Variants in IGF1R observed in about 807,000 individuals in gnomAD.
IGF1R encodes insulin-like growth factor 1 receptor.
In IGF1R, 44 loss-of-function variants were observed where a neutral mutation model predicts 144.6. That is an observed-to-expected ratio of 0.30 (90% CI 0.24 to 0.39). The LOEUF is 0.39. Ranked by LOEUF, IGF1R falls within the 10% of genes least tolerant of loss-of-function variation. The pLI is 1.00. For synonymous variants in IGF1R, 795 were observed against 722.8 expected (o/e 1.10, Z -1.60); for missense variants, 1,355 against 1,833.7 (o/e 0.74, Z 4.77).
chr15:98,735,658 G>A lies in IGF1R; in HGVS notation c.640+27551G>A, dbSNP rs149906096. Among the ~76,000 whole-genome samples, 662 of 152,316 alleles carry A rather than the reference G, an allele frequency of 4.3e-3. 10 individuals carry two copies. The highest frequency in any genetic ancestry group is 0.03 in the Admixed American group (454 of 15,308). On this transcript the variant is annotated intron_variant, in intron 2 of 20. Coordinates refer to ENST00000650285, the MANE Select transcript of IGF1R (RefSeq NM_000875.5). Reference sequence around the variant, plus strand: ...ATGTGGATATTCAAGAAAGAGGGTCGCAAAATAGCAAACACCCACTATGGC... The same window carrying A: ...ATGTGGATATTCAAGAAAGAGGGTCACAAAATAGCAAACACCCACTATGGC...
intron 1 of IGF1R, chr15:98,650,807 C>T (rs1310248920): frequency 2.8e-6 from 2 of 709,090 alleles, no homozygotes; most frequent in Non-Finnish European, 3.5e-6. Flanking sequence ...TTCCTTTGTA[C>T]GTAGTTAATA....
chr15:98,939,174 A>G lies in IGF1R; in HGVS notation c.3298-27A>G, dbSNP rs554886805. On this transcript the variant is annotated intron_variant, in intron 17 of 20. Coordinates refer to ENST00000650285, the MANE Select transcript of IGF1R (RefSeq NM_000875.5). The stretch of plus-strand genomic sequence containing the variant: ...TGGAAAAAAAAAATCCAAAATTCTC[A>G]TGTGAATTTTTTTAAATCTCCAACA... 5.6e-6 allele frequency: 9 copies of G among 1,605,810 alleles called. No individual in the cohort carries two copies. The African/African-American group carries it at 1.1e-4, about 19-fold the overall frequency.
At chr15:98,905,593 A>G (rs939587366) in intron 5 of IGF1R, among the ~76,000 whole-genome samples, 1 of 151,868 alleles carries the variant, frequency 6.6e-6, no homozygotes, top group African/African-American at 2.4e-5. Context: ...GAGCCTGGGA[A>G]GTTGAGGCTG....
intron 1 of IGF1R, among the ~76,000 whole-genome samples, chr15:98,706,048 C>T (rs964420116): frequency 1.3e-5 from 2 of 152,220 alleles, no homozygotes; most frequent in Non-Finnish European, 2.9e-5. Context: ...CCCCTTAGCA[C>T]GGTGGCACAA....
rs72547260 is a variant in IGF1R at position 98,687,048 on chromosome 15, A to C, written c.95-20514A>C. 4.4e-3 allele frequency among the ~76,000 whole-genome samples: 673 copies of C among 152,184 alleles called. 3 individuals carry two copies. Among genetic ancestry groups the C allele is most frequent in the African/African-American group, 0.015 (634 of 41,514 alleles). On this transcript the variant is annotated intron_variant, in intron 1 of 20. Coordinates refer to ENST00000650285, the MANE Select transcript of IGF1R (RefSeq NM_000875.5). ...AGAGGGAGCATGTGAAAAAACCTAA[A>C]GGTTTTGGGAGGAGGAGGAGAAGGA...
chr15:98,775,738 G>C (rs2055696691), intron 2 of IGF1R, among the ~76,000 whole-genome samples: 1 of 152,178 alleles, frequency 6.6e-6, no homozygotes, highest in African/African-American at 2.4e-5. Context: ...GAATCCCCTG[G>C]GTTGCTTGTT....
At chr15:98,700,529 C>A (rs1026595158) in intron 1 of IGF1R, among the ~76,000 whole-genome samples, 2 of 152,142 alleles carry the variant, frequency 1.3e-5, no homozygotes, top group Non-Finnish European at 2.9e-5. Flanking sequence ...TTTGGGGCCT[C>A]ACCTCTTGCG....
chr15:98,897,170 C>T, intron 4 of IGF1R: 1 of 482,490 alleles, frequency 2.1e-6, no homozygotes, highest in Non-Finnish European at 3.8e-6. Flanking sequence ...TCACATCTTG[C>T]ATAGGAGAGG....
chr15:98,725,725 A>G (rs953175732), intron 2 of IGF1R, among the ~76,000 whole-genome samples: 1 of 152,244 alleles, frequency 6.6e-6, no homozygotes, highest in African/African-American at 2.4e-5. Context: ...GACGTACCCA[A>G]GACTGTGAAG....
chr15:98,651,329 C>G (rs2052360549), intron 1 of IGF1R, among the ~76,000 whole-genome samples: 1 of 152,184 alleles, frequency 6.6e-6, no homozygotes, highest in Non-Finnish European at 1.5e-5. Flanking sequence ...GGACTGGGGC[C>G]GGACCTTCCA....
At chr15:98,811,948 G>GGT (rs1250682432) in intron 2 of IGF1R, among the ~76,000 whole-genome samples, 1 of 152,076 alleles carries the variant, frequency 6.6e-6, no homozygotes, top group African/African-American at 2.4e-5. Context: ...ACTATCTCAA[G>GGT]GTAATTACCC....
chr15:98,718,230 G>A (rs1198479762), intron 2 of IGF1R, among the ~76,000 whole-genome samples: 2 of 152,232 alleles, frequency 1.3e-5, no homozygotes, highest in South Asian at 4.2e-4. Flanking sequence ...CTTTGCCTTG[G>A]TCACAAACAA....
chr15:98,719,039 A>G (rs960964286), intron 2 of IGF1R, among the ~76,000 whole-genome samples: 1 of 152,226 alleles, frequency 6.6e-6, no homozygotes, highest in Non-Finnish European at 1.5e-5. Context: ...TTAGGTGCTT[A>G]GACTATTCTT....
At chr15:98,697,146 G>A (rs1245124316) in intron 1 of IGF1R, among the ~76,000 whole-genome samples, 7 of 152,144 alleles carry the variant, frequency 4.6e-5, no homozygotes, top group Non-Finnish European at 8.8e-5. Flanking sequence ...GGCTGGAGCC[G>A]TGATGGACCC....
At chr15:98,873,585 G>A (rs1417569549) in intron 2 of IGF1R, 1 of 152,206 alleles carries the variant, frequency 6.6e-6, no homozygotes, top group Admixed American at 6.5e-5. Context: ...TATCGGATTG[G>A]GATGTGATTT....
intron 2 of IGF1R, among the ~76,000 whole-genome samples, chr15:98,778,164 C>T (rs746989744): frequency 4.6e-5 from 7 of 151,950 alleles, no homozygotes; most frequent in Non-Finnish European, 8.8e-5. Flanking sequence ...GCGATGTATC[C>T]CCAAGGGCAA....
At chr15:98,808,564 G>A (rs1410987329) in intron 2 of IGF1R, among the ~76,000 whole-genome samples, 7 of 152,102 alleles carry the variant, frequency 4.6e-5, no homozygotes, top group East Asian at 3.8e-4. Flanking sequence ...TAGGATTTTC[G>A]GTGCTGGAGC....
At chr15:98,700,391 G>A (rs1429142044) in intron 1 of IGF1R, among the ~76,000 whole-genome samples, 2 of 152,172 alleles carry the variant, frequency 1.3e-5, no homozygotes, top group East Asian at 3.8e-4. Flanking sequence ...CTGCAGATAA[G>A]GTGGGTAGGG....
At chr15:98,948,479 T>A in intron 19 of IGF1R, 95 bp from the exon 20 acceptor site, 1 of 1,346,000 alleles carries the variant, frequency 7.4e-7, no homozygotes, top group South Asian at 1.2e-5. Flanking sequence ...AAGGACAGTT[T>A]ATCTGCTCGG....
Sources: allele counts gnomAD v4.1 joint callset (sites outside exome capture counted in the v4.1 genomes callset), GRCh38; gene constraint gnomAD v4.1.1; transcripts MANE v1.5; gene names NCBI Gene and HGNC (gene_info 2026-07-23, HGNC 2026-07-21).